Variants in NEGR1 observed in about 807,000 individuals in gnomAD.
NEGR1 encodes the protein neuronal growth regulator 1.
Under a neutral mutation model 40.9 loss-of-function variants are expected in NEGR1, and 10 were observed. The ratio of observed to expected loss-of-function variants is 0.24; its 90% CI spans 0.15 to 0.42. The LOEUF is 0.42. Among genes scored for constraint, NEGR1 ranks in the 10% least tolerant of loss-of-function variants. The pLI is 1.00. For missense variants in NEGR1, 352 were observed against 438.9 expected, an observed-to-expected ratio of 0.80 and a Z score of 1.77; for synonymous variants, 185 against 166.8, an observed-to-expected ratio of 1.11 and a Z score of -0.84.
At chr1:71,668,578 AG>A (rs1652316353) in intron 4 of NEGR1, among the ~76,000 whole-genome samples, 2 of 152,248 alleles carry the variant, frequency 1.3e-5, no homozygotes, top group South Asian at 4.1e-4. Context: ...CACAGGTCTC[AG>A]TAGTGGGAAG....
chr1:71,888,004 C>T (rs1044722006), intron 2 of NEGR1, among the ~76,000 whole-genome samples: 2 of 148,686 alleles, frequency 1.3e-5, no homozygotes, highest in South Asian at 4.2e-4. Flanking sequence ...CACACACACA[C>T]ACACACACAC....
chr1:71,600,729 A>G (rs1178462292), intron 5 of NEGR1, among the ~76,000 whole-genome samples: 1 of 152,242 alleles, frequency 6.6e-6, no homozygotes, highest in Admixed American at 6.5e-5. Context: ...GAAGAAACCT[A>G]CATACCACCC....
chr1:72,169,001 T>C (rs1349504543), intron 1 of NEGR1, among the ~76,000 whole-genome samples: 4 of 152,152 alleles, frequency 2.6e-5, no homozygotes, highest in Admixed American at 1.3e-4. Context: ...ATCAAATGCA[T>C]AGTAGCTAAA....
intron 1 of NEGR1, among the ~76,000 whole-genome samples, chr1:71,962,534 A>G (rs1192716018): frequency 6.6e-6 from 1 of 152,078 alleles, no homozygotes; most frequent in Non-Finnish European, 1.5e-5. Context: ...TCATTCGTAT[A>G]ATGATATTAC....
intron 1 of NEGR1, among the ~76,000 whole-genome samples, chr1:72,228,613 G>T (rs1463174769): frequency 2.0e-5 from 3 of 152,010 alleles, no homozygotes; most frequent in Admixed American, 6.6e-5. Context: ...CACAAAGAAT[G>T]GTAGCTTTTA....
intron 1 of NEGR1, among the ~76,000 whole-genome samples, chr1:71,972,071 G>A (rs1270649008): frequency 1.3e-5 from 2 of 152,184 alleles, no homozygotes; most frequent in Non-Finnish European, 2.9e-5. Context: ...GAAACATGCA[G>A]TGTAGTAATC....
At chr1:72,082,326 A>C (rs1194562460) in intron 1 of NEGR1, among the ~76,000 whole-genome samples, 2 of 152,152 alleles carry the variant, frequency 1.3e-5, no homozygotes, top group African/African-American at 4.8e-5. Context: ...TAAGAAGATG[A>C]CAGTAAGGGA....
intron 5 of NEGR1, among the ~76,000 whole-genome samples, chr1:71,601,013 G>T (rs1649901131): frequency 6.6e-6 from 1 of 152,120 alleles, no homozygotes; most frequent in South Asian, 2.1e-4. Context: ...TGTCTAGATG[G>T]AAAACATAGA....
chr1:72,229,296 T>C (rs933950063), intron 1 of NEGR1, among the ~76,000 whole-genome samples: 6 of 150,638 alleles, frequency 4.0e-5, no homozygotes, highest in South Asian at 4.2e-4. Context: ...TTTACAGTAA[T>C]GTAATTACAC....
intron 3 of NEGR1, among the ~76,000 whole-genome samples, chr1:71,759,634 G>A (rs1334824547): frequency 1.6e-4 from 6 of 36,434 alleles, no homozygotes; most frequent in African/African-American, 6.0e-4. Context: ...TTTTGAGACG[G>A]AGTCCCACTC....
intron 1 of NEGR1, among the ~76,000 whole-genome samples, chr1:72,078,063 T>C (rs924523398): frequency 2.0e-5 from 3 of 152,190 alleles, no homozygotes; most frequent in South Asian, 2.1e-4. Context: ...ACTAACATTG[T>C]CTTGGTTCAA....
chr1:71,444,426 A>T (rs1000744188), intron 6 of NEGR1, among the ~76,000 whole-genome samples: 44 of 152,130 alleles, frequency 2.9e-4, no homozygotes, highest in African/African-American at 1.0e-3. Context: ...CCAGGAGAAT[A>T]ATATCCCAAG....
intron 2 of NEGR1, among the ~76,000 whole-genome samples, chr1:71,869,702 T>C (rs1015235224): frequency 4.6e-5 from 7 of 152,122 alleles, no homozygotes; most frequent in Admixed American, 1.3e-4. Context: ...ATATGGAGTA[T>C]ATATTCAAGT....
intron 1 of NEGR1, among the ~76,000 whole-genome samples, chr1:72,155,109 C>T (rs535823678): frequency 2.0e-5 from 3 of 152,008 alleles, no homozygotes; most frequent in Admixed American, 1.3e-4. Flanking sequence ...AACAGTTTCA[C>T]GGTGTACCAG....
chr1:71,506,975 A>G (rs1039303904), intron 6 of NEGR1, among the ~76,000 whole-genome samples: 5 of 152,212 alleles, frequency 3.3e-5, no homozygotes, highest in African/African-American at 9.6e-5. Flanking sequence ...TACTATATAT[A>G]CTGATTCTAA....
At chr1:71,783,631 G>A (rs1346230821) in intron 2 of NEGR1, among the ~76,000 whole-genome samples, 1 of 152,148 alleles carries the variant, frequency 6.6e-6, no homozygotes, top group East Asian at 1.9e-4. Context: ...AAATATGCCA[G>A]AACAACTTAG....
chr1:71,995,815 T>A (rs1646499502), intron 1 of NEGR1, among the ~76,000 whole-genome samples: 3 of 152,178 alleles, frequency 2.0e-5, no homozygotes, highest in African/African-American at 4.8e-5. Context: ...AACACAAACA[T>A]GATATTCTAG....
chr1:71,977,441 A>C (rs551079856), intron 1 of NEGR1, among the ~76,000 whole-genome samples: 1 of 152,168 alleles, frequency 6.6e-6, no homozygotes, highest in Non-Finnish European at 1.5e-5. Context: ...GCTATTTCTT[A>C]TTTTTCAGAT....
rs144097957 is a variant in NEGR1 at position 71,536,415 on chromosome 1, G to C, written c.940+56402C>G. ...GAAAAGAGCCGGGAATCTTAGGCCT[G>C]CTCCCTCTTGCCATGTGATCTCTTC... On this transcript the variant is annotated intron_variant, in intron 6 of 6. Transcript: ENST00000357731. Among the ~76,000 whole-genome samples the C allele has an allele frequency of 7.5e-4, 114 of 151,706 alleles. No homozygotes were observed. The East Asian group carries it at 0.02, about 26-fold the overall frequency.
Sources: gnomAD v4.1 joint callset for allele counts (sites outside exome capture counted in the v4.1 genomes callset) on GRCh38, gnomAD v4.1.1 for gene constraint, MANE v1.5 for transcripts, NCBI Gene and HGNC (gene_info 2026-07-23, HGNC 2026-07-21) for gene names.